Variants in TASP1 observed in about 807,000 individuals in gnomAD.
TASP1 encodes the protein threonine aspartase 1.
Under a neutral mutation model 56.6 loss-of-function variants are expected in TASP1, and 16 were observed. The ratio of observed to expected loss-of-function variants is 0.28; its 90% CI spans 0.19 to 0.43. TASP1 has a LOEUF of 0.43. Among genes scored for constraint, TASP1 ranks in the 20% least tolerant of loss-of-function variants. The pLI is 1.00. For missense variants in TASP1, 393 were observed against 511.6 expected, an observed-to-expected ratio of 0.77 and a Z score of 2.24; for synonymous variants, 179 against 184.2, an observed-to-expected ratio of 0.97 and a Z score of 0.23.
At chr20:13,246,212 G>T in the TASP1 span, among the ~76,000 whole-genome samples, 10 of 151,418 alleles carry the variant, frequency 6.6e-5, no homozygotes, top group African/African-American at 2.4e-4. Context: ...GGCGGAGGTT[G>T]CAGTGAGCCA....
chr20:13,180,364 T>C, the TASP1 span, among the ~76,000 whole-genome samples: 2 of 152,156 alleles, frequency 1.3e-5, no homozygotes, highest in Non-Finnish European at 2.9e-5. Flanking sequence ...AGCAACACAG[T>C]TGCGGCACAA....
At chr20:13,570,122 T>C (rs909137921) in intron 6 of TASP1, among the ~76,000 whole-genome samples, 1 of 152,122 alleles carries the variant, frequency 6.6e-6, no homozygotes, top group Non-Finnish European at 1.5e-5. Context: ...CTGTGGTAAG[T>C]ACTATGGTAT....
chr20:13,279,689 C>T, the TASP1 span: 178 of 1,613,958 alleles, frequency 1.1e-4, no homozygotes, highest in African/African-American at 1.6e-4. Flanking sequence ...GATCAGCATC[C>T]GGAGAATAAG....
intron 4 of TASP1, chr20:13,614,805 T>C (rs1253809757): frequency 2.1e-6 from 1 of 470,056 alleles, no homozygotes; most frequent in Non-Finnish European, 4.4e-6. Context: ...TTTGTTTTAG[T>C]TGGATTCTTT....
the TASP1 span, among the ~76,000 whole-genome samples, chr20:13,188,900 G>T: frequency 6.6e-6 from 1 of 152,182 alleles, no homozygotes; most frequent in Non-Finnish European, 1.5e-5. Context: ...CAATAGCTGA[G>T]CATTGGCCAA....
At chr20:13,621,749 A>G (rs2048725619) in intron 4 of TASP1, among the ~76,000 whole-genome samples, 1 of 152,232 alleles carries the variant, frequency 6.6e-6, no homozygotes, top group African/African-American at 2.4e-5. Flanking sequence ...TAAACATGAT[A>G]TATAAGTATG....
At chr20:13,206,674 G>A in the TASP1 span, among the ~76,000 whole-genome samples, 1 of 151,978 alleles carries the variant, frequency 6.6e-6, no homozygotes. Context: ...TATATTCTTT[G>A]CATCCAGACA....
At chr20:13,593,113 A>G (rs922774951) in intron 4 of TASP1, among the ~76,000 whole-genome samples, 1 of 152,198 alleles carries the variant, frequency 6.6e-6, no homozygotes, top group African/African-American at 2.4e-5. Context: ...AACTCTCAGA[A>G]ATCCAGGAAT....
intron 8 of TASP1, among the ~76,000 whole-genome samples, chr20:13,551,124 G>A (rs909779824): frequency 6.6e-6 from 1 of 152,064 alleles, no homozygotes; most frequent in Non-Finnish European, 1.5e-5. Flanking sequence ...GGTGGCTAAA[G>A]AATACAAAAT....
intron 4 of TASP1, among the ~76,000 whole-genome samples, chr20:13,595,383 C>T (rs916148549): frequency 2.0e-5 from 3 of 152,146 alleles, no homozygotes; most frequent in African/African-American, 7.2e-5. Context: ...CAATATTAAC[C>T]TTAAATGTAA....
intron 11 of TASP1, among the ~76,000 whole-genome samples, chr20:13,450,538 GAGA>G (rs1233217134): frequency 3.3e-5 from 5 of 152,022 alleles, no homozygotes; most frequent in African/African-American, 7.2e-5. Context: ...TCTTCACCAG[GAGA>G]AGATTTCATC....
chr20:13,273,729 C>T, the TASP1 span, among the ~76,000 whole-genome samples: 1 of 152,304 alleles, frequency 6.6e-6, no homozygotes, highest in Middle Eastern at 3.4e-3. Context: ...ATTAATGCGG[C>T]TCCAGCCTAG....
chr20:13,300,264 A>G, the TASP1 span: 1 of 152,252 alleles, frequency 6.6e-6, no homozygotes, highest in African/African-American at 2.4e-5. Context: ...GACTGCAGCC[A>G]AGTTCAGATG....
At chr20:13,617,178 G>A (rs2048554109) in intron 4 of TASP1, 14 of 392,126 alleles carry the variant, frequency 3.6e-5, no homozygotes, top group South Asian at 2.6e-4. Flanking sequence ...TAAACAGCTG[G>A]AATACACAGA....
At chr20:13,231,337 G>A in the TASP1 span, among the ~76,000 whole-genome samples, 1 of 152,234 alleles carries the variant, frequency 6.6e-6, no homozygotes, top group East Asian at 1.9e-4. Context: ...GAGCAGTCAG[G>A]AAGAGGGAAA....
chr20:13,490,248 T>TA (rs35198490), intron 10 of TASP1, among the ~76,000 whole-genome samples: 62 of 150,338 alleles, frequency 4.1e-4, no homozygotes, highest in African/African-American at 1.1e-3. Flanking sequence ...TTCATTTGAA[T>TA]AAAAAAAAAA....
chr20:13,191,025 C>T, the TASP1 span, among the ~76,000 whole-genome samples: 1 of 151,932 alleles, frequency 6.6e-6, no homozygotes, highest in South Asian at 2.1e-4. Flanking sequence ...CAAGGAAAAG[C>T]AAATTAAAAC....
chr20:13,245,501 A>T, the TASP1 span: 1 of 152,174 alleles, frequency 6.6e-6, no homozygotes, highest in South Asian at 2.1e-4. Context: ...ACTCAAAGGG[A>T]GGGGATTGCA....
chr20:13,498,331 TTGTGTGTGTGTGTG>T (rs60099056), intron 10 of TASP1, among the ~76,000 whole-genome samples: 248 of 135,118 alleles, frequency 1.8e-3, no homozygotes, highest in African/African-American at 4.6e-3. Flanking sequence ...TTCTTTTCTT[TTGTGTGTGTGTGTG>T]TGTGTGTGTG....
Sources: allele counts gnomAD v4.1 joint callset (sites outside exome capture counted in the v4.1 genomes callset), GRCh38; gene constraint gnomAD v4.1.1; transcripts MANE v1.5; gene names NCBI Gene and HGNC (gene_info 2026-07-23, HGNC 2026-07-21).